ARHGEF26: variants seen among roughly 807,000 people sequenced by gnomAD.
ARHGEF26 encodes Rho guanine nucleotide exchange factor (GEF) 26.
A neutral mutation model predicts 89.4 loss-of-function variants in ARHGEF26; 59 were observed. That is an observed-to-expected ratio of 0.66 (90% CI 0.54 to 0.82). The LOEUF (loss-of-function observed/expected upper bound fraction) is 0.82, where lower values mean the gene tolerates loss of function less well. Among genes scored for constraint, ARHGEF26 ranks in the 40% least tolerant of loss-of-function variants. ARHGEF26 has a pLI of 0.00. For missense variants in ARHGEF26, 1,234 were observed against 1,085.6 expected (o/e 1.14, Z -1.92); for synonymous variants, 500 against 428.4 (o/e 1.17, Z -2.06).
chr3:154,243,720 ACT>A (rs899945997), intron 12 of ARHGEF26, among the ~76,000 whole-genome samples: 1 of 151,796 alleles, frequency 6.6e-6, no homozygotes, highest in East Asian at 1.9e-4. Context: ...AGAGGGAGTG[ACT>A]CTCTCATTCT....
chr3:154,240,617 G>A (rs576742708), intron 12 of ARHGEF26, 38 bp downstream of exon 12: 1 of 1,534,352 alleles, frequency 6.5e-7, no homozygotes, highest in African/African-American at 1.4e-5. Flanking sequence ...ATAGCTGATA[G>A]TATCTCCCTG....
intron 8 of ARHGEF26, among the ~76,000 whole-genome samples, chr3:154,192,068 G>A (rs1294708974): frequency 6.6e-6 from 1 of 152,186 alleles, no homozygotes; most frequent in African/African-American, 2.4e-5. Flanking sequence ...CTATGGGCAG[G>A]AGAGCCTGCC....
intron 9 of ARHGEF26, among the ~76,000 whole-genome samples, chr3:154,210,777 A>G (rs938124030): frequency 6.6e-5 from 10 of 151,476 alleles, no homozygotes; most frequent in African/African-American, 2.4e-4. Flanking sequence ...CCCTATCTCT[A>G]CTAAAAATAC....
At chr3:154,190,340 C>G (rs1358814884) in intron 7 of ARHGEF26, among the ~76,000 whole-genome samples, 23 of 152,276 alleles carry the variant, frequency 1.5e-4, no homozygotes, top group Admixed American at 1.5e-3. Context: ...GAAACCTTTT[C>G]TCTACTAAAG....
chr3:154,177,137 A>G (rs1328010974), intron 6 of ARHGEF26, among the ~76,000 whole-genome samples: 1 of 152,240 alleles, frequency 6.6e-6, no homozygotes, highest in Non-Finnish European at 1.5e-5. Flanking sequence ...GCAGCAGGAA[A>G]CATAGATTTA....
intron 7 of ARHGEF26, among the ~76,000 whole-genome samples, chr3:154,188,083 C>T (rs534238073): frequency 1.2e-4 from 19 of 152,134 alleles, no homozygotes; most frequent in East Asian, 3.9e-4. Context: ...TTTAGTGTTT[C>T]GTTGTTTTTA....
chr3:154,167,564 T>G (rs1712125564), intron 6 of ARHGEF26, among the ~76,000 whole-genome samples: 1 of 152,198 alleles, frequency 6.6e-6, no homozygotes, highest in Admixed American at 6.5e-5. Context: ...TGCAAGTAAC[T>G]TCATTAAATG....
intron 12 of ARHGEF26, 77 bp from the exon 13 acceptor site, chr3:154,253,039 C>A: frequency 6.6e-7 from 1 of 1,525,562 alleles, no homozygotes; most frequent in Non-Finnish European, 9.0e-7. Context: ...AGTGCCTTTG[C>A]ATTGGCTGCC....
At position 154,226,573 on chromosome 3, in the gene ARHGEF26, T is replaced by C. The variant is rs541724399; in HGVS notation, c.2090+563T>C. Among the ~76,000 whole-genome samples, 10 of 152,098 alleles carry C rather than the reference T, an allele frequency of 6.6e-5. No individual in the cohort carries two copies. The East Asian group carries it at 1.9e-3, about 29-fold the overall frequency. On this transcript the variant is annotated intron_variant, in intron 11 of 14. Transcript: ENST00000465093. ...TTACTCCAGGCTTCTAGTTCTGTGT[T>C]TGTGTCCAGCTCTGGTGAGATGTCC...
At chr3:154,153,390 T>C (rs1470290955) in intron 6 of ARHGEF26, among the ~76,000 whole-genome samples, 1 of 152,134 alleles carries the variant, frequency 6.6e-6, no homozygotes, top group Non-Finnish European at 1.5e-5. Flanking sequence ...TAATAAACTT[T>C]TATACATTCA....
At chr3:154,189,504 A>AT (rs202023958) in intron 7 of ARHGEF26, among the ~76,000 whole-genome samples, 1,630 of 151,816 alleles carry the variant, frequency 0.011, 25 homozygotes, top group African/African-American at 0.037. Context: ...CACCCAGTTA[A>AT]TTTTTTGTAT....
rs192033936 is a variant in ARHGEF26, at chr3:154,218,456, T to C, written c.1935+498T>C. On this transcript the variant is annotated intron_variant, in intron 10 of 14. Coordinates refer to ENST00000465093, the MANE Select transcript of ARHGEF26 (RefSeq NM_015595.4). ...AATATGTGCTGCTTGTTATTCCTTG[T>C]CTGATACTGCTCTTGAGCAGATGAC... is the stretch of plus-strand genomic sequence containing the variant. 6.0e-3 allele frequency among the ~76,000 whole-genome samples: 913 copies of C among 152,336 alleles called. 7 individuals carry two copies. The highest frequency in any genetic ancestry group is 0.021 in the African/African-American group (858 of 41,572).
rs759135930 is a variant in ARHGEF26 at position 154,254,777 on chromosome 3, C to G, written c.2426C>G (p.Ser809Cys). 51 of 1,613,872 alleles carry G rather than the reference C, an allele frequency of 3.2e-5. No individual in the cohort carries two copies. The highest frequency in any genetic ancestry group is 4.3e-5 in the Non-Finnish European group (51 of 1,179,830). The change falls in exon 14 of 15, where the codon TCC becomes TGC. Residue 809 changes from serine (S) to cysteine (C), a missense_variant. Coordinates refer to ENST00000465093, the MANE Select transcript of ARHGEF26 (RefSeq NM_015595.4). Reference sequence around the variant, plus strand: ...ACTGCTAAGCAGCCAGATGAACTCTCCCTGCAGGTGGCTGACGTCGTCCTC... The same window carrying G: ...ACTGCTAAGCAGCCAGATGAACTCTGCCTGCAGGTGGCTGACGTCGTCCTC... ...SFTAKQPDEL[S>C]LQVADVVLIY... is the part of the protein sequence containing the mutation.
intron 4 of ARHGEF26, among the ~76,000 whole-genome samples, chr3:154,131,925 T>G (rs1369228137): frequency 6.6e-6 from 1 of 152,238 alleles, no homozygotes; most frequent in East Asian, 1.9e-4. Context: ...AAAAAATGAA[T>G]GTTGTGTCTT....
At chr3:154,213,284 T>G (rs1715505335) in intron 9 of ARHGEF26, among the ~76,000 whole-genome samples, 1 of 151,860 alleles carries the variant, frequency 6.6e-6, no homozygotes, top group African/African-American at 2.4e-5. Context: ...AATATATATT[T>G]ATTAGGCCTG....
chr3:154,147,586 T>TA (rs1338998333), intron 4 of ARHGEF26, among the ~76,000 whole-genome samples: 4 of 152,186 alleles, frequency 2.6e-5, no homozygotes, highest in African/African-American at 9.7e-5. Flanking sequence ...TGGATTCTCA[T>TA]AGCAAAAATT....
At chr3:154,218,581 C>G (rs1219737617) in intron 10 of ARHGEF26, among the ~76,000 whole-genome samples, 1 of 152,174 alleles carries the variant, frequency 6.6e-6, no homozygotes, top group African/African-American at 2.4e-5. Context: ...GAAGTGAGTG[C>G]TCACGATTGT....
intron 4 of ARHGEF26, among the ~76,000 whole-genome samples, chr3:154,137,497 C>T (rs1719083987): frequency 6.6e-6 from 1 of 152,146 alleles, no homozygotes; most frequent in South Asian, 2.1e-4. Flanking sequence ...CGGACTAAGA[C>T]ATACCCCAAT....
chr3:154,237,754 C>T (rs980765757), intron 11 of ARHGEF26, among the ~76,000 whole-genome samples: 1 of 152,100 alleles, frequency 6.6e-6, no homozygotes, highest in African/African-American at 2.4e-5. Context: ...TTGGAAATAC[C>T]TACAACGCCT....
Sources: gnomAD v4.1 joint callset for allele counts (sites outside exome capture counted in the v4.1 genomes callset) on GRCh38, gnomAD v4.1.1 for gene constraint, MANE v1.5 for transcripts, NCBI Gene and HGNC (gene_info 2026-07-23, HGNC 2026-07-21) for gene names.